GOLGA1: variants seen among roughly 807,000 people sequenced by gnomAD.
GOLGA1 encodes the protein golgin subfamily A member 1.
Under a neutral mutation model 119.7 loss-of-function variants are expected in GOLGA1, and 63 were observed. The observed-to-expected ratio is 0.53, with a 90% CI of 0.43 to 0.65. The LOEUF (loss-of-function observed/expected upper bound fraction) is 0.65, where lower values mean the gene tolerates loss of function less well. GOLGA1 is among the 30% of genes least tolerant of loss of function. The pLI is 0.00. For synonymous variants in GOLGA1, 318 were observed against 333.4 expected, an observed-to-expected ratio of 0.95 and a Z score of 0.50; for missense variants, 798 against 912.8, an observed-to-expected ratio of 0.87 and a Z score of 1.62.
rs371136729 is a variant in GOLGA1 at position 124,920,465 on chromosome 9, C to T, written c.843+664G>A. ...TTTATATTCTCAGAGTGTAGCACAG[C>T]CCTAATGTAGAAACAAATGTATGTC... On this transcript the variant is annotated intron_variant, in intron 10 of 22. Transcript: ENST00000373555. Among the ~76,000 whole-genome samples, 17 of 152,070 alleles carry T rather than the reference C, an allele frequency of 1.1e-4. No individual in the cohort carries two copies. The East Asian group carries it at 2.9e-3, about 26-fold the overall frequency.
At chr9:124,930,703 G>C (rs1178477482) in intron 4 of GOLGA1, among the ~76,000 whole-genome samples, 1 of 152,228 alleles carries the variant, frequency 6.6e-6, no homozygotes, top group African/African-American at 2.4e-5. Context: ...CTTTCCAAAT[G>C]TATCCACTGG....
intron 3 of GOLGA1, among the ~76,000 whole-genome samples, chr9:124,934,053 T>C (rs1424534120): frequency 6.6e-6 from 1 of 152,124 alleles, no homozygotes; most frequent in Non-Finnish European, 1.5e-5. Flanking sequence ...CTGGGGATGA[T>C]CTTGGGGATC....
chr9:124,893,437 T>G (rs1483108927), intron 15 of GOLGA1, among the ~76,000 whole-genome samples: 3 of 152,200 alleles, frequency 2.0e-5, no homozygotes, highest in Non-Finnish European at 4.4e-5. Context: ...TCTTTTGTGT[T>G]GTTTTGTATT....
chr9:124,901,319 G>T (rs1234407909), intron 12 of GOLGA1, among the ~76,000 whole-genome samples: 1 of 148,486 alleles, frequency 6.7e-6, no homozygotes, highest in African/African-American at 2.5e-5. Flanking sequence ...TCATCAGGCT[G>T]GAGTGCAGTG....
intron 19 of GOLGA1, among the ~76,000 whole-genome samples, chr9:124,883,489 T>C (rs1013307198): frequency 6.6e-6 from 1 of 151,920 alleles, no homozygotes; most frequent in Non-Finnish European, 1.5e-5. Context: ...CTCTGTTGCC[T>C]AGGCTGGATT....
At chr9:124,896,683 T>C (rs746116843) in intron 15 of GOLGA1, among the ~76,000 whole-genome samples, 3 of 152,242 alleles carry the variant, frequency 2.0e-5, no homozygotes, top group Non-Finnish European at 4.4e-5. Flanking sequence ...GGCTCATTCC[T>C]GTAATCCCAG....
rs1275858673 is a variant in GOLGA1, at chr9:124,938,884, GAGAC to G, written c.-155-22_-155-19del. ...CACAGGATCTACAAATCAGATGAAAGAGACAGTTCAAAAGTTAAACATTGGAAAG... is the reference window on the plus strand; with the variant it reads ...CACAGGATCTACAAATCAGATGAAAGAGTTCAAAAGTTAAACATTGGAAAG... On this transcript the variant is annotated intron_variant, in intron 2 of 22. Coordinates refer to ENST00000373555, the MANE Select transcript of GOLGA1 (RefSeq NM_002077.4). The G allele has an allele frequency of 2.0e-6, 1 of 503,998 alleles. No individual in the cohort carries two copies. Among genetic ancestry groups the G allele is most frequent in the African/African-American group, 2.0e-5 (1 of 50,652 alleles). 31.2% of individuals were successfully genotyped at this position (503,998 alleles called of 1,614,324 possible).
chr9:124,895,799 C>T (rs1044115062), intron 15 of GOLGA1, among the ~76,000 whole-genome samples: 2 of 150,052 alleles, frequency 1.3e-5, no homozygotes, highest in Non-Finnish European at 3.0e-5. Flanking sequence ...GAACCATCCC[C>T]AACAGAGACC....
In GOLGA1 at chr9:124,888,077, G is replaced by C. The variant is rs562813228; in HGVS notation, c.1905+176C>G. On this transcript the variant is annotated intron_variant, in intron 19 of 22. Transcript: ENST00000373555. The surrounding 1 kb of genome is among the most constrained non-coding windows in gnomAD (Gnocchi z 4.4). ...GAAGAGGGCTGGGGAGGGTGTGGAG[G>C]AGGACAGTGCAGGAGGAACGGAAGA... Among the ~76,000 whole-genome samples the C allele has an allele frequency of 6.6e-6, 1 of 152,294 alleles. No homozygotes were observed. Among genetic ancestry groups the C allele is most frequent in the East Asian group, 1.9e-4 (1 of 5,184 alleles).
intron 19 of GOLGA1, among the ~76,000 whole-genome samples, chr9:124,885,798 T>C (rs1391839711): frequency 6.6e-6 from 1 of 152,066 alleles, no homozygotes; most frequent in Non-Finnish European, 1.5e-5. Context: ...TTTGCGGGCC[T>C]CTGCAAGGAC....
intron 3 of GOLGA1, 108 bp downstream of exon 3, chr9:124,938,469 T>C (rs1207963213): frequency 6.5e-6 from 6 of 919,010 alleles, no homozygotes; most frequent in African/African-American, 3.4e-5. Flanking sequence ...GTACAGGCTC[T>C]TGTACAGCTA....
At chr9:124,911,856 C>A in intron 11 of GOLGA1, 45 bp downstream of exon 11, 1 of 1,576,430 alleles carries the variant, frequency 6.3e-7, no homozygotes, top group Non-Finnish European at 8.7e-7. Context: ...CCAGAATCAA[C>A]CCTGCCTTTC....
At chr9:124,893,984 T>C (rs1829910325) in intron 15 of GOLGA1, among the ~76,000 whole-genome samples, 2 of 152,232 alleles carry the variant, frequency 1.3e-5, no homozygotes, top group South Asian at 4.1e-4. Flanking sequence ...TAGTCTCATT[T>C]TAACCTGCTC....
At chr9:124,908,552 T>A in intron 11 of GOLGA1, 80 bp from the exon 12 acceptor site, 1 of 822,520 alleles carries the variant, frequency 1.2e-6, no homozygotes, top group Admixed American at 1.7e-5. Flanking sequence ...CAACATATTG[T>A]GACTTGTGCT....
intron 3 of GOLGA1, among the ~76,000 whole-genome samples, chr9:124,931,629 C>T (rs774526724): frequency 7.2e-5 from 11 of 152,090 alleles, no homozygotes; most frequent in African/African-American, 1.2e-4. Context: ...TTTATGTGTA[C>T]GCATGCTACT....
exon 1 of GOLGA1, chr9:124,947,974 C>T (rs550577957): frequency 6.6e-6 from 1 of 152,268 alleles, no homozygotes; most frequent in East Asian, 1.9e-4. Context: ...TACAAGTCTC[C>T]ATAAATAAAA....
At chr9:124,902,609 C>T (rs1223415624) in intron 12 of GOLGA1, among the ~76,000 whole-genome samples, 2 of 151,930 alleles carry the variant, frequency 1.3e-5, no homozygotes, top group African/African-American at 2.4e-5. Flanking sequence ...CCTGCCTCAG[C>T]CTCCTGAGTA....
At chr9:124,913,613 A>G (rs553848985) in intron 10 of GOLGA1, among the ~76,000 whole-genome samples, 1 of 152,350 alleles carries the variant, frequency 6.6e-6, no homozygotes, top group South Asian at 2.1e-4. Context: ...GAGATAGTGG[A>G]GGGGAAGTCT....
intron 10 of GOLGA1, among the ~76,000 whole-genome samples, chr9:124,918,594 T>C (rs150422623): frequency 1.9e-3 from 294 of 152,090 alleles, no homozygotes; most frequent in Non-Finnish European, 3.3e-3. Context: ...TGAAATCCTG[T>C]CTCTACTAAA....
Sources: gnomAD v4.1 joint callset for allele counts (sites outside exome capture counted in the v4.1 genomes callset) on GRCh38, gnomAD v4.1.1 for gene constraint, Gnocchi (gnomAD v3.1) non-coding constraint, MANE v1.5 for transcripts, NCBI Gene and HGNC (gene_info 2026-07-23, HGNC 2026-07-21) for gene names.